RAP2C: variants seen among roughly 807,000 people sequenced by gnomAD.
The protein encoded by RAP2C is ras-related protein Rap-2c.
Under a neutral mutation model 8.9 loss-of-function variants are expected in RAP2C, and 3 were observed. The ratio of observed to expected loss-of-function variants is 0.34; its 90% confidence interval spans 0.15 to 0.87. The LOEUF is 0.87. RAP2C is among the 40% of genes least tolerant of loss of function. The pLI is 0.51. For synonymous variants in RAP2C, 60 were observed against 52.1 expected, an observed-to-expected ratio of 1.15 and a Z score of -0.65; for missense variants, 76 against 133.7, an observed-to-expected ratio of 0.57 and a Z score of 2.13.
In RAP2C at chrX:132,205,348, A is replaced by G. The variant is rs1028086624; in HGVS notation, c.*274T>C. On this transcript the variant is annotated 3_prime_UTR_variant, in exon 6 of 6. Transcript: ENST00000370874. Reference sequence around the variant, plus strand: ...ATTAACCCTTGTATATTAGCCATCAATAAGAACTTAGAAAGCTATAAAAGG... The same window carrying G: ...ATTAACCCTTGTATATTAGCCATCAGTAAGAACTTAGAAAGCTATAAAAGG... The G allele has an allele frequency of 8.9e-6, 1 of 112,475 alleles. No homozygotes were observed. Among genetic ancestry groups the G allele is most frequent in the African/African-American group, 3.2e-5 (1 of 30,847 alleles). The allele number at this position is 112,475 out of a possible 1,213,427, so 9.3% of individuals were successfully genotyped here.
rs140836665 is a variant in RAP2C, at chrX:132,204,376, C to T, written c.*1246G>A. On this transcript the variant is annotated 3_prime_UTR_variant, in exon 6 of 6. Coordinates refer to ENST00000370874, the MANE Select transcript of RAP2C (RefSeq NM_001271186.2). The stretch of plus-strand genomic sequence containing the variant: ...TGCATAAGTTTCCTTTCTGATTCTA[C>T]ACCTGCGTTACTGTTAAAATGTTCA... 5 of 112,452 alleles carry T rather than the reference C, an allele frequency of 4.4e-5. No homozygotes were observed. Among genetic ancestry groups the T allele is most frequent in the African/African-American group, 1.6e-4 (5 of 30,947 alleles). 9.3% of individuals were successfully genotyped at this position (112,452 alleles called of 1,213,427 possible).
intron 5 of RAP2C, among the ~76,000 whole-genome samples, chrX:132,206,195 A>AGAGG (rs372159598): frequency 0.022 from 2,427 of 111,178 alleles, 34 homozygotes; most frequent in Middle Eastern, 0.055. Context: ...AAGAGAAGAA[A>AGAGG]GAGGGAGGGA....
At chrX:132,207,970 T>C (rs1221743918) in intron 5 of RAP2C, among the ~76,000 whole-genome samples, 1 of 106,504 alleles carries the variant, frequency 9.4e-6, no homozygotes, top group East Asian at 2.8e-4. Context: ...TTTTACTTTT[T>C]AGCTTTTTAC....
rs1331990865 is a variant in RAP2C, at chrX:132,205,501, G to C, written c.*121C>G. ...AGATGTATGGCAACATGCTGTAATA[G>C]AGACAGGTTTACCAAGGCTCAGTTC... On this transcript the variant is annotated 3_prime_UTR_variant, in exon 6 of 6. Transcript: ENST00000370874. 8.9e-6 allele frequency: 1 copy of C among 111,751 alleles called. No homozygotes were observed. Among genetic ancestry groups the C allele is most frequent in the Non-Finnish European group, 1.9e-5 (1 of 53,086 alleles). 9.2% of individuals were successfully genotyped at this position (111,751 alleles called of 1,213,427 possible).
Position 132,218,357 on chromosome X carries a change from T to G in RAP2C, c.-745-16A>C, listed in dbSNP as rs1452259780. ...CTCTGGAAACCTGCGACGTCAGTCC[T>G]TACCCGCCCGCGGCTGCCGCGGACC... On this transcript the variant is annotated splice_polypyrimidine_tract_variant and intron_variant, in intron 1 of 5. Transcript: ENST00000370874. The G allele has an allele frequency of 9.3e-6, 1 of 107,113 alleles. No homozygotes were observed. Among genetic ancestry groups the G allele is most frequent in the Non-Finnish European group, 1.9e-5 (1 of 51,733 alleles). 8.8% of individuals were successfully genotyped at this position (107,113 alleles called of 1,213,427 possible). A position where few individuals can be genotyped will look rare whatever the true frequency, so the allele number is the denominator to read the frequency against.
intron 4 of RAP2C, among the ~76,000 whole-genome samples, chrX:132,216,373 A>G (rs1218268770): frequency 1.8e-5 from 2 of 111,852 alleles, no homozygotes; most frequent in Non-Finnish European, 3.8e-5. Flanking sequence ...TTGGTTATTA[A>G]TTCTAGGTAC....
chrX:132,211,440 C>A (rs983284310), intron 5 of RAP2C, among the ~76,000 whole-genome samples: 8 of 111,747 alleles, frequency 7.2e-5, no homozygotes, highest in African/African-American at 2.6e-4. Flanking sequence ...TTCCATTATA[C>A]TGCTGCCATA....
intron 5 of RAP2C, among the ~76,000 whole-genome samples, chrX:132,211,921 C>A (rs1253030935): frequency 9.0e-6 from 1 of 110,871 alleles, no homozygotes; most frequent in Non-Finnish European, 1.9e-5. Context: ...CTATAGGATT[C>A]AAAATCCACC....
chrX:132,215,370 T>C (rs1930549234), intron 4 of RAP2C, among the ~76,000 whole-genome samples: 3 of 111,737 alleles, frequency 2.7e-5, no homozygotes, highest in South Asian at 7.5e-4. Flanking sequence ...TTGGAAGTCA[T>C]AGTAAGTACA....
chrX:132,217,504 C>G lies in RAP2C; in HGVS notation c.-236G>C. On this transcript the variant is annotated 5_prime_UTR_variant, in exon 4 of 6. Transcript: ENST00000370874. ...TGCCCTTCCTATAGGAACTGCAGCC[C>G]GAGCAGGGGGCGTGGGGAGGAGGGC... The G allele has an allele frequency of 7.3e-6, 2 of 273,645 alleles. No homozygotes were observed. Among genetic ancestry groups the G allele is most frequent in the Middle Eastern group, 2.0e-3 (2 of 1,010 alleles). The allele number at this position is 273,645 out of a possible 1,213,427, so 22.6% of individuals were successfully genotyped here. A position where few individuals can be genotyped will look rare whatever the true frequency, so the allele number is the denominator to read the frequency against.
In RAP2C at chrX:132,217,595, G is replaced by GCTGCGGCGAGGGGACC. The variant is rs1879497779; in HGVS notation, c.-343_-328dup. 1.1e-5 allele frequency: 2 copies of GCTGCGGCGAGGGGACC among 187,033 alleles called. No homozygotes were observed. Among genetic ancestry groups the GCTGCGGCGAGGGGACC allele is most frequent in the Non-Finnish European group, 2.0e-5 (2 of 100,833 alleles). 15.4% of individuals were successfully genotyped at this position (187,033 alleles called of 1,213,427 possible). On this transcript the variant is annotated 5_prime_UTR_variant, in exon 4 of 6. Coordinates refer to ENST00000370874, the MANE Select transcript of RAP2C (RefSeq NM_001271186.2). ...TGCCCCCGGGAGGGAAAGGGTGGGG[G>GCTGCGGCGAGGGGACC]CTGCGGCGAGGGGACCCTGCGGCGA...
chrX:132,210,152 A>G (rs1930389387), intron 5 of RAP2C, among the ~76,000 whole-genome samples: 1 of 111,565 alleles, frequency 9.0e-6, no homozygotes, highest in South Asian at 3.7e-4. Context: ...TAACAAAACT[A>G]TAACTTCTAC....
In RAP2C at chrX:132,217,493, G is replaced by A; in HGVS notation, c.-225C>T. 1 of 282,817 alleles carries A rather than the reference G, an allele frequency of 3.5e-6. No homozygotes were observed. The highest frequency in any genetic ancestry group is 6.2e-6 in the Non-Finnish European group (1 of 160,481). The allele number at this position is 282,817 out of a possible 1,213,427, so 23.3% of individuals were successfully genotyped here. ...AGGGATGGTAATGCCCTTCCTATAGGAACTGCAGCCCGAGCAGGGGGCGTG... is the reference window on the plus strand; with the variant it reads ...AGGGATGGTAATGCCCTTCCTATAGAAACTGCAGCCCGAGCAGGGGGCGTG... On this transcript the variant is annotated 5_prime_UTR_variant, in exon 4 of 6. Transcript: ENST00000370874.
rs1470732556 is a variant in RAP2C, at chrX:132,217,646, C to T, written c.-378G>A. ...GGCGGACGTCGGAGGAGCCCGCAGCCCGGGGCTGCCCGGCACTCCTCCCCC... is the reference window on the plus strand; with the variant it reads ...GGCGGACGTCGGAGGAGCCCGCAGCTCGGGGCTGCCCGGCACTCCTCCCCC... On this transcript the variant is annotated 5_prime_UTR_variant, in exon 4 of 6. Coordinates refer to ENST00000370874, the MANE Select transcript of RAP2C (RefSeq NM_001271186.2). 5 of 136,472 alleles carry T rather than the reference C, an allele frequency of 3.7e-5. No individual in the cohort carries two copies. Among genetic ancestry groups the T allele is most frequent in the African/African-American group, 6.3e-5 (2 of 31,983 alleles). The allele number at this position is 136,472 out of a possible 1,213,427, so 11.2% of individuals were successfully genotyped here.
intron 4 of RAP2C, among the ~76,000 whole-genome samples, chrX:132,215,307 G>A (rs1039803421): frequency 9.0e-6 from 1 of 110,739 alleles, no homozygotes; most frequent in African/African-American, 3.3e-5. Flanking sequence ...CACCATTTTC[G>A]GTAATATTTC....
At position 132,217,019 on chromosome X, in the gene RAP2C, G is replaced by C. The variant is rs760170790; in HGVS notation, c.250C>G (p.Leu84Val). The C allele has an allele frequency of 9.6e-6, 11 of 1,147,990 alleles. No homozygotes were observed. Among genetic ancestry groups the C allele is most frequent in the African/African-American group, 1.8e-5 (1 of 54,897 alleles). The allele number at this position is 1,147,990 out of a possible 1,213,427, so 94.6% of individuals were successfully genotyped here. Residue 84 changes from leucine (L) to valine (V), a missense_variant, in exon 4 of 6, where the codon CTG becomes GTG. Transcript: ENST00000370874. The part of the protein sequence containing the change: ...NGQGFILVYS[L>V]VNQQSFQDIK... ...ACCTGAAAAGACTGTTGATTAACCA[G>C]GCTATAAACCAGGATGAAACCTTGG...
At chrX:132,214,602 G>C (rs1451894681) in intron 4 of RAP2C, 156 bp from the exon 5 acceptor site, 6 of 736,474 alleles carry the variant, frequency 8.1e-6, no homozygotes, top group Non-Finnish European at 9.6e-6. Context: ...TCATCATTTT[G>C]TCCACTGAAG....
chrX:132,203,104 G>T lies in RAP2C; in HGVS notation c.*2518C>A, dbSNP rs1930165143. ...GGTCGTCTTACAAAATGACAAGAAT[G>T]AAATCTATTGGAAAAATTTTACTTT... is the stretch of plus-strand genomic sequence containing the variant. On this transcript the variant is annotated 3_prime_UTR_variant, in exon 6 of 6. Coordinates refer to ENST00000370874, the MANE Select transcript of RAP2C (RefSeq NM_001271186.2). 1 of 111,806 alleles carries T rather than the reference G, an allele frequency of 8.9e-6. No individual in the cohort carries two copies. The highest frequency in any genetic ancestry group is 3.3e-5 in the African/African-American group (1 of 30,737). 9.2% of individuals were successfully genotyped at this position (111,806 alleles called of 1,213,427 possible).
chrX:132,204,991 A>C lies in RAP2C; in HGVS notation c.*631T>G, dbSNP rs1054311926. The C allele has an allele frequency of 6.3e-5, 7 of 110,253 alleles. No homozygotes were observed. Among genetic ancestry groups the C allele is most frequent in the South Asian group, 7.5e-4 (2 of 2,662 alleles). 9.1% of individuals were successfully genotyped at this position (110,253 alleles called of 1,213,427 possible). A position where few individuals can be genotyped will look rare whatever the true frequency, so the allele number is the denominator to read the frequency against. On this transcript the variant is annotated 3_prime_UTR_variant, in exon 6 of 6. Transcript: ENST00000370874. ...GAACATGTTAATTACAAAAAAAAAAAAAAAAAAACAAAACACATCACAAAC... is the reference window on the plus strand; with the variant it reads ...GAACATGTTAATTACAAAAAAAAAACAAAAAAAACAAAACACATCACAAAC...
Sources: allele counts gnomAD v4.1 joint callset (sites outside exome capture counted in the v4.1 genomes callset), GRCh38; gene constraint gnomAD v4.1.1; transcripts MANE v1.5; gene names NCBI Gene and HGNC (gene_info 2026-07-23, HGNC 2026-07-21).